Variants in PALS1 observed in about 807,000 individuals in gnomAD.
PALS1 encodes protein PALS1.
A neutral mutation model predicts 78.9 loss-of-function variants in PALS1; 31 were observed. The ratio of observed to expected loss-of-function variants is 0.39; its 90% CI spans 0.30 to 0.53. The LOEUF (loss-of-function observed/expected upper bound fraction) is 0.53, where lower values mean the gene tolerates loss of function less well. Among genes scored for constraint, PALS1 ranks in the 20% least tolerant of loss-of-function variants. PALS1 has a pLI of 0.67. For missense variants in PALS1, 704 were observed against 826.5 expected (o/e 0.85, Z 1.82); for synonymous variants, 276 against 270.9 (o/e 1.02, Z -0.18).
At chr14:67,306,661 C>T (rs373509731) in intron 8 of PALS1, among the ~76,000 whole-genome samples, 80 of 152,300 alleles carry the variant, frequency 5.3e-4, no homozygotes, top group Admixed American at 2.0e-3. Flanking sequence ...AGCCACCATG[C>T]CCAGCCCCTT....
chr14:67,275,971 C>A (rs111917273), intron 2 of PALS1, among the ~76,000 whole-genome samples: 1 of 152,064 alleles, frequency 6.6e-6, no homozygotes, highest in East Asian at 1.9e-4. Context: ...GTGATACCCC[C>A]TTTATCATTT....
intron 1 of PALS1, among the ~76,000 whole-genome samples, chr14:67,249,879 G>A (rs942173421): frequency 2.6e-5 from 4 of 152,296 alleles, no homozygotes; most frequent in Middle Eastern, 3.4e-3. Flanking sequence ...TAACGTGATT[G>A]CTTCCTATGA....
chr14:67,249,578 G>A (rs151325403), intron 1 of PALS1, among the ~76,000 whole-genome samples: 1 of 152,312 alleles, frequency 6.6e-6, no homozygotes, highest in East Asian at 1.9e-4. Flanking sequence ...GGTTTTTACA[G>A]TTTGTAGTAT....
In PALS1 at chr14:67,329,730, A is replaced by T. The variant is rs538126442; in HGVS notation, c.1852-3050A>T. Among the ~76,000 whole-genome samples the T allele has an allele frequency of 5.4e-3, 821 of 152,154 alleles. 8 individuals carry two copies. Among genetic ancestry groups the T allele is most frequent in the African/African-American group, 0.018 (739 of 41,520 alleles). ...CCTGTCTCTACTAAAAATACAAAAA[A>T]CATTAGCCAGGCATGGTGGTGCACG... On this transcript the variant is annotated intron_variant, in intron 14 of 14. Coordinates refer to ENST00000261681, the MANE Select transcript of PALS1 (RefSeq NM_022474.4).
At chr14:67,243,712 G>T (rs1017518730) in intron 1 of PALS1, among the ~76,000 whole-genome samples, 1 of 150,072 alleles carries the variant, frequency 6.7e-6, no homozygotes, top group Non-Finnish European at 1.5e-5. Flanking sequence ...TAGCCAGGAT[G>T]ATCTCAATCT....
At chr14:67,261,887 A>C (rs2084244091) in intron 1 of PALS1, among the ~76,000 whole-genome samples, 3 of 152,180 alleles carry the variant, frequency 2.0e-5, no homozygotes, top group Non-Finnish European at 4.4e-5. Flanking sequence ...AATTTATTTT[A>C]TGAAGCAGTC....
intron 4 of PALS1, among the ~76,000 whole-genome samples, chr14:67,297,741 T>C (rs758233302): frequency 6.6e-6 from 1 of 152,160 alleles, no homozygotes; most frequent in Non-Finnish European, 1.5e-5. Context: ...AAAGGAGACA[T>C]CAAGGATGAC....
intron 14 of PALS1, among the ~76,000 whole-genome samples, chr14:67,326,046 C>T (rs1224818969): frequency 7.4e-5 from 10 of 135,414 alleles, no homozygotes; most frequent in South Asian, 7.1e-4. Context: ...AGGATGGTCT[C>T]GATCTCGTGA....
At chr14:67,319,610 T>TAA (rs11366985) in intron 11 of PALS1, among the ~76,000 whole-genome samples, 23 of 128,620 alleles carry the variant, frequency 1.8e-4, no homozygotes, top group African/African-American at 4.1e-4. Flanking sequence ...GCTGATGAGC[T>TAA]AAAAAAAAAA....
intron 10 of PALS1, among the ~76,000 whole-genome samples, 188 bp downstream of exon 10, chr14:67,317,091 T>C (rs188123092): frequency 8.5e-5 from 13 of 152,342 alleles, no homozygotes; most frequent in Admixed American, 2.6e-4. Context: ...GTCTATACTG[T>C]GTAGTTAATT....
chr14:67,242,108 T>G (rs906144725), intron 1 of PALS1: 12 of 152,258 alleles, frequency 7.9e-5, no homozygotes, highest in African/African-American at 2.9e-4. Flanking sequence ...CGTTGAACTT[T>G]GAAGCATGTA....
rs1231706487 is a variant in PALS1 at position 67,279,193 on chromosome 14, G to A, written c.23G>A (p.Gly8Glu). 1 of 1,601,366 alleles carries A rather than the reference G, an allele frequency of 6.2e-7. No homozygotes were observed. Among genetic ancestry groups the A allele is most frequent in the Non-Finnish European group, 8.5e-7 (1 of 1,175,256 alleles). The change falls in exon 3 of 15, where the codon GGG (glycine) becomes GAG (glutamate). Residue 8 changes from glycine (G) to glutamate (E), a missense_variant. Transcript: ENST00000261681. MTTSHMN[G>E]HVTEESDSEV... The stretch of plus-strand genomic sequence containing the variant: ...ACCATGACAACATCCCATATGAATG[G>A]GCATGTTACAGAGGAATCAGACAGC...
chr14:67,243,274 C>T (rs1157287586), intron 1 of PALS1, among the ~76,000 whole-genome samples: 1 of 151,596 alleles, frequency 6.6e-6, no homozygotes, highest in African/African-American at 2.4e-5. Context: ...GCAGTCTCCA[C>T]CTCCCTGGTT....
At chr14:67,291,567 G>A (rs2084774855) in intron 3 of PALS1, among the ~76,000 whole-genome samples, 1 of 152,216 alleles carries the variant, frequency 6.6e-6, no homozygotes, top group Non-Finnish European at 1.5e-5. Flanking sequence ...ACAGGCGTGA[G>A]CCACTGCGCC....
intron 1 of PALS1, among the ~76,000 whole-genome samples, chr14:67,269,014 G>T (rs2084372204): frequency 1.3e-5 from 2 of 152,070 alleles, no homozygotes; most frequent in African/African-American, 4.8e-5. Flanking sequence ...TGCATGCCTT[G>T]GCCATAATTC....
chr14:67,287,021 C>A (rs1376139631), intron 3 of PALS1, among the ~76,000 whole-genome samples: 1 of 151,956 alleles, frequency 6.6e-6, no homozygotes, highest in East Asian at 1.9e-4. Context: ...AGTTCAAGAC[C>A]AGCTTGGGTG....
intron 14 of PALS1, 146 bp from the exon 15 acceptor site, chr14:67,332,634 A>G: frequency 1.4e-6 from 1 of 719,018 alleles, no homozygotes; most frequent in Non-Finnish European, 2.2e-6. Flanking sequence ...TGTGGCCGTG[A>G]CAGGGTTGGA....
At chr14:67,272,629 G>A (rs1482272749) in intron 2 of PALS1, among the ~76,000 whole-genome samples, 2 of 152,046 alleles carry the variant, frequency 1.3e-5, no homozygotes, top group Non-Finnish European at 2.9e-5. Context: ...ATATGAAGTA[G>A]ATACTAAGTT....
intron 8 of PALS1, among the ~76,000 whole-genome samples, chr14:67,304,766 C>T (rs1264720989): frequency 6.6e-6 from 1 of 152,030 alleles, no homozygotes; most frequent in Non-Finnish European, 1.5e-5. Flanking sequence ...CAATTGTGTA[C>T]ATGAGTGAAT....
Sources: gnomAD v4.1 joint callset for allele counts (sites outside exome capture counted in the v4.1 genomes callset) on GRCh38, gnomAD v4.1.1 for gene constraint, MANE v1.5 for transcripts, NCBI Gene and HGNC (gene_info 2026-07-23, HGNC 2026-07-21) for gene names.